Variants in ESRRB observed in about 807,000 individuals in gnomAD.
ESRRB encodes estrogen related receptor beta.
In ESRRB, 16 loss-of-function variants were observed where a neutral mutation model predicts 46.0. The ratio of observed to expected loss-of-function variants is 0.35; its 90% CI spans 0.24 to 0.53. ESRRB has a LOEUF of 0.53. Ranked by LOEUF, ESRRB falls within the 20% of genes least tolerant of loss-of-function variation. The pLI is 0.93. For missense variants in ESRRB, 488 were observed against 607.4 expected, an observed-to-expected ratio of 0.80 and a Z score of 2.07; for synonymous variants, 246 against 259.6, an observed-to-expected ratio of 0.95 and a Z score of 0.50.
intron 3 of ESRRB, among the ~76,000 whole-genome samples, chr14:76,473,934 G>A (rs1042561540): frequency 6.6e-6 from 1 of 152,218 alleles, no homozygotes; most frequent in African/African-American, 2.4e-5. Context: ...TTTGTGCCCT[G>A]AGCTGGGAAG....
chr14:76,359,710 A>C lies in ESRRB; in HGVS notation c.2+48794A>C, dbSNP rs118172041. Among the ~76,000 whole-genome samples the C allele has an allele frequency of 7.9e-3, 1,205 of 152,270 alleles. 12 individuals are homozygous for C. Among genetic ancestry groups the C allele is most frequent in the Middle Eastern group, 0.02 (6 of 294 alleles). ...GAGGCAGAATCCCAGGGCTGTTGGA[A>C]TGGGCAGGCCAGGGAAAGCAGAGGG... On this transcript the variant is annotated intron_variant, in intron 1 of 6. Transcript: ENST00000512784.
At chr14:76,389,762 A>G (rs942345863) in intron 1 of ESRRB, among the ~76,000 whole-genome samples, 8 of 152,234 alleles carry the variant, frequency 5.3e-5, no homozygotes, top group Non-Finnish European at 1.2e-4. Context: ...AAACACAATC[A>G]TTATTAAAAA....
At position 76,499,972 on chromosome 14, in the gene ESRRB, C is replaced by A. The variant is rs573083522; in HGVS notation, c.*1514C>A. 9.4e-6 allele frequency: 15 copies of A among 1,600,918 alleles called. No homozygotes were observed. Among genetic ancestry groups the A allele is most frequent in the East Asian group, 2.2e-5 (1 of 44,586 alleles). On this transcript the variant is annotated 3_prime_UTR_variant, in exon 7 of 7. Coordinates refer to ENST00000644823, the MANE Select transcript of ESRRB (RefSeq NM_001379180.1). ...TTCACAAGCAGGGATCAGAGCAACT[C>A]CCCGGGGATCCCCAATCCACGCCCT... is the stretch of plus-strand genomic sequence containing the variant.
At chr14:76,433,414 G>A (rs1337704345) in intron 1 of ESRRB, among the ~76,000 whole-genome samples, 1 of 152,140 alleles carries the variant, frequency 6.6e-6, no homozygotes, top group African/African-American at 2.4e-5. Flanking sequence ...ATTGCTCAGG[G>A]CCAACTGGGA....
intron 1 of ESRRB, among the ~76,000 whole-genome samples, chr14:76,332,885 T>A (rs939553990): frequency 0.016 from 297 of 18,904 alleles, 11 homozygotes; most frequent in Middle Eastern, 0.17. Flanking sequence ...TTTTATATAT[T>A]ATATATTTAT....
chr14:76,371,086 G>A (rs528088634), upstream of ESRRB, among the ~76,000 whole-genome samples: 28 of 152,292 alleles, frequency 1.8e-4, no homozygotes, highest in Non-Finnish European at 3.4e-4. Context: ...CCTTGGTGTC[G>A]TGGCAGCAGT....
Position 76,482,964 on chromosome 14 carries a change from A to C in ESRRB, c.850+205A>C, listed in dbSNP as rs1889867271. Among the ~76,000 whole-genome samples, 1 of 152,232 alleles carries C rather than the reference A, an allele frequency of 6.6e-6. No individual in the cohort carries two copies. Among genetic ancestry groups the C allele is most frequent in the Non-Finnish European group, 1.5e-5 (1 of 68,036 alleles). ...AGTTAGAAGACCCAGTGAGGCTTAT[A>C]CACTGCTGCAGGCTCTTCAGAATTA... On this transcript the variant is annotated intron_variant, in intron 5 of 6. Coordinates refer to ENST00000644823, the MANE Select transcript of ESRRB (RefSeq NM_001379180.1). This position sits in a 1 kb window ranked among gnomAD's most constrained non-coding sequence, Gnocchi z 4.3.
chr14:76,439,135 T>C (rs1248681143), intron 1 of ESRRB, among the ~76,000 whole-genome samples: 3 of 152,206 alleles, frequency 2.0e-5, no homozygotes, highest in African/African-American at 7.2e-5. Context: ...TAAAGTTTCT[T>C]TGAGGCCTCC....
At chr14:76,360,336 T>C (rs1884447690) in intron 1 of ESRRB, among the ~76,000 whole-genome samples, 1 of 152,148 alleles carries the variant, frequency 6.6e-6, no homozygotes, top group Non-Finnish European at 1.5e-5. Flanking sequence ...AACTCCAAGA[T>C]ACTTGGGTCT....
At chr14:76,324,549 A>G (rs1883905260) in intron 1 of ESRRB, among the ~76,000 whole-genome samples, 1 of 152,138 alleles carries the variant, frequency 6.6e-6, no homozygotes, top group Non-Finnish European at 1.5e-5. Flanking sequence ...ATGAGCTTCC[A>G]TCTCTCTCCA....
chr14:76,362,216 T>C (rs1024489190), intron 1 of ESRRB, among the ~76,000 whole-genome samples: 15 of 152,316 alleles, frequency 9.8e-5, no homozygotes, highest in African/African-American at 3.1e-4. Context: ...TTACACACAC[T>C]ACCCTGCAGC....
intron 1 of ESRRB, among the ~76,000 whole-genome samples, chr14:76,438,071 G>C (rs1295444946): frequency 6.6e-6 from 1 of 152,114 alleles, no homozygotes; most frequent in African/African-American, 2.4e-5. Flanking sequence ...ATGTCTCTTG[G>C]GGGACAGGCA....
At chr14:76,348,623 G>A (rs551815861) in intron 1 of ESRRB, among the ~76,000 whole-genome samples, 2 of 152,318 alleles carry the variant, frequency 1.3e-5, no homozygotes, top group Admixed American at 1.3e-4. Context: ...GAGAATACCT[G>A]TCTCACAGGG....
chr14:76,329,884 T>C (rs891098433), intron 1 of ESRRB, among the ~76,000 whole-genome samples: 2 of 151,932 alleles, frequency 1.3e-5, no homozygotes, highest in Admixed American at 6.6e-5. Context: ...GGGGGGATAA[T>C]TGTCTTCGCC....
At chr14:76,358,181 G>A (rs186066789) in intron 1 of ESRRB, among the ~76,000 whole-genome samples, 153 of 151,464 alleles carry the variant, frequency 1.0e-3, no homozygotes, top group Non-Finnish European at 2.0e-3. Flanking sequence ...GCGTGGTGGC[G>A]GGCGCCTGTA....
At chr14:76,462,839 T>C (rs1245256408) in intron 3 of ESRRB, among the ~76,000 whole-genome samples, 178 bp downstream of exon 3, 1 of 152,064 alleles carries the variant, frequency 6.6e-6, no homozygotes. Flanking sequence ...TCTCCTCCTT[T>C]AGGGAGGTGG....
chr14:76,419,125 C>T (rs1420462143), intron 1 of ESRRB, among the ~76,000 whole-genome samples: 2 of 152,072 alleles, frequency 1.3e-5, no homozygotes, highest in East Asian at 3.9e-4. Flanking sequence ...AACGATTCTC[C>T]TGTGTCAGCC....
Position 76,498,365 on chromosome 14 carries a change from C to T in ESRRB, c.1272C>T (p.Ala424=), listed in dbSNP as rs563575581. 43 of 1,612,812 alleles carry T rather than the reference C, an allele frequency of 2.7e-5. No homozygotes were observed. The East Asian group carries it at 2.7e-4, about 10-fold the overall frequency. ...CACTGCCGCTGCTGCGGCAGACGGC[C>T]GCCAAGGCCGTGCAGCACTTCTATA... ...LLTLPLLRQT[A]AKAVQHFYSV... The change falls in exon 7 of 7, where the codon GCC becomes GCT. Residue 424 remains alanine (A), a synonymous_variant. Transcript: ENST00000644823.
intron 6 of ESRRB, among the ~76,000 whole-genome samples, chr14:76,493,012 C>T (rs1890285640): frequency 6.6e-6 from 1 of 152,198 alleles, no homozygotes. Flanking sequence ...CAGTGTGTGG[C>T]AGAGTTAACT....
Sources: gnomAD v4.1 joint callset for allele counts (sites outside exome capture counted in the v4.1 genomes callset) on GRCh38, gnomAD v4.1.1 for gene constraint, Gnocchi (gnomAD v3.1) non-coding constraint, MANE v1.5 for transcripts, NCBI Gene and HGNC (gene_info 2026-07-23, HGNC 2026-07-21) for gene names.